The following MTRF1L variants were observed in gnomAD, a reference collection of about 807,000 sequenced individuals.
MTRF1L encodes mitochondrial translation release factor 1 like.
In MTRF1L, 29 loss-of-function variants were observed where a neutral mutation model predicts 40.0. The observed-to-expected ratio is 0.73, with a 90% CI of 0.54 to 0.99. The LOEUF is 0.99. MTRF1L is among the 50% of genes least tolerant of loss of function. MTRF1L has a pLI of 0.00. For synonymous variants in MTRF1L, 150 were observed against 175.8 expected, an observed-to-expected ratio of 0.85 and a Z score of 1.16; for missense variants, 412 against 464.5, an observed-to-expected ratio of 0.89 and a Z score of 1.04.
chr6:153,002,271 G>C (rs1162571095), intron 1 of MTRF1L, among the ~76,000 whole-genome samples, 156 bp downstream of exon 1: 1 of 152,104 alleles, frequency 6.6e-6, no homozygotes, highest in Non-Finnish European at 1.5e-5. Context: ...GAGAGGATGG[G>C]ATCACAGCAC....
chr6:152,994,831 A>G (rs1365155721), intron 3 of MTRF1L, 155 bp from the exon 4 acceptor site: 2 of 990,196 alleles, frequency 2.0e-6, no homozygotes, highest in East Asian at 5.2e-5. Flanking sequence ...ATGTTTTAAT[A>G]TTTATCTTTA....
rs1399389174 is a variant in MTRF1L, at chr6:153,002,699, T to C, written c.-14A>G. The C allele has an allele frequency of 6.8e-6, 10 of 1,469,922 alleles. No individual in the cohort carries two copies. Among genetic ancestry groups the C allele is most frequent in the Middle Eastern group, 4.7e-4 (2 of 4,270 alleles). 91.1% of individuals were successfully genotyped at this position (1,469,922 alleles called of 1,614,324 possible). On this transcript the variant is annotated 5_prime_UTR_variant, in exon 1 of 7. Transcript: ENST00000367233. Reference sequence around the variant, plus strand: ...CCGGGACCGCATCCTTAGTCCGAGATCGCGGACCCTGACCGGAACCGGAAG... The same window carrying C: ...CCGGGACCGCATCCTTAGTCCGAGACCGCGGACCCTGACCGGAACCGGAAG...
At chr6:152,997,815 T>C (rs1276379785) in intron 2 of MTRF1L, among the ~76,000 whole-genome samples, 2 of 152,184 alleles carry the variant, frequency 1.3e-5, no homozygotes, top group Non-Finnish European at 2.9e-5. Context: ...GGGAAATCCA[T>C]AGGCACTCAT....
At chr6:153,001,263 T>C (rs887353772) in intron 1 of MTRF1L, among the ~76,000 whole-genome samples, 3 of 152,220 alleles carry the variant, frequency 2.0e-5, no homozygotes, top group African/African-American at 4.8e-5. Context: ...GCTGTTTTTT[T>C]CTTGACCTTT....
intron 2 of MTRF1L, among the ~76,000 whole-genome samples, chr6:152,996,168 A>G (rs1310880426): frequency 6.6e-6 from 1 of 152,226 alleles, no homozygotes; most frequent in Non-Finnish European, 1.5e-5. Context: ...CAGGGGTTGA[A>G]TAATCTAGTG....
intron 2 of MTRF1L, among the ~76,000 whole-genome samples, chr6:152,998,068 T>G (rs1164720467): frequency 6.6e-6 from 1 of 150,834 alleles, no homozygotes; most frequent in Admixed American, 6.6e-5. Flanking sequence ...TATATATATA[T>G]TTTTTTATCT....
chr6:152,991,151 T>G (rs755456785), intron 6 of MTRF1L, 34 bp downstream of exon 6: 1 of 1,346,320 alleles, frequency 7.4e-7, no homozygotes, highest in South Asian at 1.4e-5. Context: ...AATATTTCTA[T>G]CCTTTAAAAG....
At position 152,991,155 on chromosome 6, in the gene MTRF1L, T is replaced by G. The variant is rs1350298564; in HGVS notation, c.942+30A>C. On this transcript the variant is annotated intron_variant, in intron 6 of 6. Coordinates refer to ENST00000367233, the MANE Select transcript of MTRF1L (RefSeq NM_019041.7). ...AGTTATATAAAAATATTTCTATCCT[T>G]TAAAAGCATTTTTAAAATTCTTTTT... The G allele has an allele frequency of 7.2e-6, 10 of 1,392,430 alleles. No homozygotes were observed. In the African/African-American group the frequency reaches 1.3e-4, roughly 19 times the overall value. The allele number at this position is 1,392,430 out of a possible 1,614,324, so 86.3% of individuals were successfully genotyped here.
intron 5 of MTRF1L, chr6:152,991,557 T>C (rs1346607837): frequency 1.4e-5 from 5 of 357,108 alleles, no homozygotes; most frequent in Admixed American, 5.3e-5. Flanking sequence ...TTCTTTCTTT[T>C]TTTGTCTGAG....
rs576667605 is a variant in MTRF1L at position 152,987,542 on chromosome 6, A to G, written c.*2353T>C. 1.1e-4 allele frequency: 17 copies of G among 152,204 alleles called. No individual in the cohort carries two copies. Among genetic ancestry groups the G allele is most frequent in the Middle Eastern group, 3.2e-3 (1 of 316 alleles). The allele number at this position is 152,204 out of a possible 1,614,324, so 9.4% of individuals were successfully genotyped here. ...GATGCAGGGGAGAAGTCAGGTGACTATTAGTCTGCGAAGTAATTCTGGACA... is the reference window on the plus strand; with the variant it reads ...GATGCAGGGGAGAAGTCAGGTGACTGTTAGTCTGCGAAGTAATTCTGGACA... On this transcript the variant is annotated 3_prime_UTR_variant, in exon 7 of 7. Transcript: ENST00000367233.
intron 1 of MTRF1L, 82 bp downstream of exon 1, chr6:153,002,345 C>T: frequency 3.7e-6 from 6 of 1,604,584 alleles, no homozygotes; most frequent in Non-Finnish European, 4.3e-6. Flanking sequence ...GAGTTTCAAA[C>T]TCGGGTAGTG....
intron 1 of MTRF1L, among the ~76,000 whole-genome samples, chr6:153,001,532 T>C (rs1469963366): frequency 6.6e-6 from 1 of 152,234 alleles, no homozygotes; most frequent in Non-Finnish European, 1.5e-5. Flanking sequence ...TAATATGGCA[T>C]TCAATGCAAA....
intron 1 of MTRF1L, among the ~76,000 whole-genome samples, chr6:152,999,837 G>A (rs1209960035): frequency 6.6e-6 from 1 of 152,186 alleles, no homozygotes; most frequent in African/African-American, 2.4e-5. Flanking sequence ...TCTTGGGTAT[G>A]TCTTTATCAG....
rs757365118 is a variant in MTRF1L at position 152,992,975 on chromosome 6, C to A, written c.688-1G>T. ...CTTTCGGATTAATCACCAGATTAAT[C>A]TATACAGAAGAAAAGTTGGGATTTT... On this transcript the variant is annotated splice_acceptor_variant, in intron 4 of 6. Coordinates refer to ENST00000367233, the MANE Select transcript of MTRF1L (RefSeq NM_019041.7). LOFTEE classifies it high-confidence loss of function. 1.2e-6 allele frequency: 2 copies of A among 1,611,598 alleles called. No homozygotes were observed. Among genetic ancestry groups the A allele is most frequent in the South Asian group, 2.2e-5 (2 of 91,028 alleles).
chr6:152,995,295 C>G lies in MTRF1L; in HGVS notation c.364G>C (p.Glu122Gln), dbSNP rs1435766714. 9.4e-6 allele frequency: 15 copies of G among 1,589,474 alleles called. No individual in the cohort carries two copies. In the East Asian group the frequency reaches 3.4e-4, roughly 36 times the overall value. ...HQIILLLVPS[E>Q]ETDENDLILE... ...ATCAAATCATTTTCATCTGTTTCTT[C>G]TGAGGGAACCAAAAGTAAGATAATC... The change falls in exon 3 of 7, where the codon GAA becomes CAA. Residue 122 changes from glutamate (E) to glutamine (Q), a missense_variant. Physicochemically the swap from Glu to Gln is conservative, Grantham distance 29. Coordinates refer to ENST00000367233, the MANE Select transcript of MTRF1L (RefSeq NM_019041.7).
Position 152,998,537 on chromosome 6 carries a change from A to C in MTRF1L, c.339+13T>G. 1 of 1,552,510 alleles carries C rather than the reference A, an allele frequency of 6.4e-7. No individual in the cohort carries two copies. The highest frequency in any genetic ancestry group is 8.7e-7 in the Non-Finnish European group (1 of 1,151,204). On this transcript the variant is annotated intron_variant, in intron 2 of 6. Coordinates refer to ENST00000367233, the MANE Select transcript of MTRF1L (RefSeq NM_019041.7). ...ATAGCACAAATGCTTTATTCTTTGCAGAAATACCATACCTGATGCTTCAGC... is the reference window on the plus strand; with the variant it reads ...ATAGCACAAATGCTTTATTCTTTGCCGAAATACCATACCTGATGCTTCAGC...
Position 152,989,613 on chromosome 6 carries a change from A to G in MTRF1L, c.*282T>C, listed in dbSNP as rs1778428727. 2 of 297,082 alleles carry G rather than the reference A, an allele frequency of 6.7e-6. No homozygotes were observed. Among genetic ancestry groups the G allele is most frequent in the South Asian group, 8.4e-5 (2 of 23,696 alleles). The allele number at this position is 297,082 out of a possible 1,614,324, so 18.4% of individuals were successfully genotyped here. On this transcript the variant is annotated 3_prime_UTR_variant, in exon 7 of 7. Coordinates refer to ENST00000367233, the MANE Select transcript of MTRF1L (RefSeq NM_019041.7). ...AAAATTGTTAAGTCAAGCTGTCATT[A>G]ATTAGGAGACTGCTGTGTTGCTAAC...
Position 152,991,265 on chromosome 6 carries a change from T to C in MTRF1L, c.862A>G (p.Met288Val). 1 of 1,603,292 alleles carries C rather than the reference T, an allele frequency of 6.2e-7. No homozygotes were observed. Among genetic ancestry groups the C allele is most frequent in the East Asian group, 2.2e-5 (1 of 44,656 alleles). Residue 288 changes from methionine (M) to valine (V), a missense_variant, in exon 6 of 7, where the codon ATG (methionine) becomes GTG (valine). Transcript: ENST00000367233. Reference protein sequence around the residue: ...RSQLKNKELAMTKLRAKLYSM... With the variant: ...RSQLKNKELAVTKLRAKLYSM... ...TACAGTTTTGCACGTAACTTTGTCATAGCCAGCTCTTTATTTTTCAGCTGA... is the reference window on the plus strand; with the variant it reads ...TACAGTTTTGCACGTAACTTTGTCACAGCCAGCTCTTTATTTTTCAGCTGA...
rs532668265 is a variant in MTRF1L at position 153,002,293 on chromosome 6, C to T, written c.259+134G>A. On this transcript the variant is annotated intron_variant, in intron 1 of 6. Coordinates refer to ENST00000367233, the MANE Select transcript of MTRF1L (RefSeq NM_019041.7). Reference sequence around the variant, plus strand: ...TGGGATCACAGCACGTAATGATGTCCTGACCTCTGATCCAAAATAAAAACG... The same window carrying T: ...TGGGATCACAGCACGTAATGATGTCTTGACCTCTGATCCAAAATAAAAACG... The T allele has an allele frequency of 1.4e-4, 185 of 1,350,508 alleles. 2 individuals are homozygous for T. The South Asian group carries it at 2.2e-3, about 16-fold the overall frequency. The allele number at this position is 1,350,508 out of a possible 1,614,324, so 83.7% of individuals were successfully genotyped here.
Sources: gnomAD v4.1 joint callset for allele counts (sites outside exome capture counted in the v4.1 genomes callset) on GRCh38, gnomAD v4.1.1 for gene constraint, MANE v1.5 for transcripts, NCBI Gene and HGNC (gene_info 2026-07-23, HGNC 2026-07-21) for gene names.